The following CLN8 variants were observed in gnomAD, a reference collection of about 807,000 sequenced individuals.
CLN8 encodes CLN8 transmembrane ER and ERGIC protein.
A neutral mutation model predicts 15.7 loss-of-function variants in CLN8; 14 were observed. The ratio of observed to expected loss-of-function variants is 0.89; its 90% CI spans 0.59 to 1.39. The LOEUF is 1.39. CLN8 is among the 40% of genes most tolerant of loss of function. The pLI, the probability that CLN8 is intolerant of heterozygous loss-of-function variation, is 0.00. For missense variants in CLN8, 415 were observed against 364.0 expected, an observed-to-expected ratio of 1.14 and a Z score of -1.14; for synonymous variants, 188 against 151.0, an observed-to-expected ratio of 1.25 and a Z score of -1.80.
intron 2 of CLN8, among the ~76,000 whole-genome samples, chr8:1,777,954 A>C (rs181742159): frequency 6.6e-6 from 1 of 152,254 alleles, no homozygotes; most frequent in Non-Finnish European, 1.5e-5. Context: ...ACCACTGTCT[A>C]TACACTGTGC....
At chr8:1,761,533 C>G (rs1036724546), upstream of CLN8, among the ~76,000 whole-genome samples, 5 of 152,342 alleles carry the variant, frequency 3.3e-5, no homozygotes, top group East Asian at 9.6e-4. Flanking sequence ...CCATGTTGGC[C>G]AGGCTGGTCT....
rs1801802940 is a variant in CLN8 at position 1,785,249 on chromosome 8, C to A, written c.*4682C>A. The A allele has an allele frequency of 5.4e-6, 1 of 184,026 alleles. No individual in the cohort carries two copies. Among genetic ancestry groups the A allele is most frequent in the Non-Finnish European group, 1.2e-5 (1 of 84,600 alleles). 11.4% of individuals were successfully genotyped at this position (184,026 alleles called of 1,614,324 possible). A position where few individuals can be genotyped will look rare whatever the true frequency, so the allele number is the denominator to read the frequency against. On this transcript the variant is annotated 3_prime_UTR_variant, in exon 3 of 3. Coordinates refer to ENST00000331222, the MANE Select transcript of CLN8 (RefSeq NM_018941.4). ...CCTGGGTGCTCCTTTGTGCTCTGTC[C>A]TACGGTGACACAGGCGGCGTGGGGT...
intron 2 of CLN8, chr8:1,773,710 G>A (rs1477106989): frequency 6.6e-6 from 1 of 152,424 alleles, no homozygotes; most frequent in Non-Finnish European, 1.5e-5. Context: ...TGAGATCAGT[G>A]TGGAGTGGAG....
At chr8:1,770,788 C>G in intron 1 of CLN8, 144 bp from the exon 2 acceptor site, 1 of 571,638 alleles carries the variant, frequency 1.7e-6, no homozygotes, top group Non-Finnish European at 3.1e-6. Context: ...TGGATGTTAC[C>G]TTGGTATGTT....
chr8:1,754,989 C>T (rs535828390), upstream of CLN8, among the ~76,000 whole-genome samples: 6 of 152,310 alleles, frequency 3.9e-5, no homozygotes, highest in East Asian at 9.7e-4. Context: ...TGCTGCTGGT[C>T]TTGTGATATC....
upstream of CLN8, chr8:1,763,347 G>A (rs1415058964): frequency 1.0e-4 from 4 of 38,780 alleles, no homozygotes; most frequent in Admixed American, 1.1e-3. Context: ...CCCTCCCGCC[G>A]GCCGTGGTTC....
At chr8:1,770,830 G>A in intron 1 of CLN8, 102 bp from the exon 2 acceptor site, 1 of 602,798 alleles carries the variant, frequency 1.7e-6, no homozygotes, top group Non-Finnish European at 3.0e-6. Context: ...TAAGAATAAG[G>A]TACAGAATTA....
At chr8:1,757,476 T>A (rs1800699134) in intron 1 of CLN8, among the ~76,000 whole-genome samples, 1 of 152,198 alleles carries the variant, frequency 6.6e-6, no homozygotes, top group African/African-American at 2.4e-5. Flanking sequence ...AGTCTTGCTC[T>A]GTAGTCTAGG....
chr8:1,765,895 G>A (rs190993884), intron 1 of CLN8, among the ~76,000 whole-genome samples: 3 of 152,314 alleles, frequency 2.0e-5, no homozygotes, highest in Admixed American at 6.5e-5. Context: ...CTGAACTTGC[G>A]TTAGCAGGGA....
chr8:1,758,218 A>C (rs1315133209), intron 1 of CLN8: 1 of 152,254 alleles, frequency 6.6e-6, no homozygotes, highest in Admixed American at 6.5e-5. Context: ...ACAGTTTTCT[A>C]TAATGAGTTC....
intron 1 of CLN8, chr8:1,764,782 A>G (rs1047560010): frequency 6.6e-6 from 1 of 152,108 alleles, no homozygotes; most frequent in African/African-American, 2.4e-5. Flanking sequence ...GAGGGGAGCC[A>G]GGGGCTCCCC....
At chr8:1,772,144 G>T (rs1191472156) in intron 2 of CLN8, among the ~76,000 whole-genome samples, 1 of 152,038 alleles carries the variant, frequency 6.6e-6, no homozygotes, top group Non-Finnish European at 1.5e-5. Flanking sequence ...CACTATGTTG[G>T]TCAGGCTGGT....
intron 2 of CLN8, among the ~76,000 whole-genome samples, chr8:1,778,775 C>T (rs190961097): frequency 2.6e-5 from 4 of 152,284 alleles, no homozygotes; most frequent in African/African-American, 4.8e-5. Flanking sequence ...TACTCCATTC[C>T]GCTGGCCTTT....
In CLN8 at chr8:1,781,444, T is replaced by C. The variant is rs1462632440; in HGVS notation, c.*877T>C. The C allele has an allele frequency of 1.3e-5, 2 of 150,754 alleles. No individual in the cohort carries two copies. The highest frequency in any genetic ancestry group is 2.9e-5 in the Non-Finnish European group (2 of 67,866). The allele number at this position is 150,754 out of a possible 1,614,324, so 9.3% of individuals were successfully genotyped here. ...GTGGCAAGTGGTACAAAGACAACGC[T>C]GAGGGGTAGTGACTCCTGTAGCAGC... On this transcript the variant is annotated 3_prime_UTR_variant, in exon 3 of 3. Coordinates refer to ENST00000331222, the MANE Select transcript of CLN8 (RefSeq NM_018941.4).
At chr8:1,780,010 G>T (rs948884203) in intron 2 of CLN8, 6 of 985,470 alleles carry the variant, frequency 6.1e-6, no homozygotes, top group Non-Finnish European at 7.2e-6. Flanking sequence ...AGCAAGAGGA[G>T]CAGGAAAACA....
chr8:1,765,207 G>A (rs1019695579), intron 1 of CLN8: 1 of 152,236 alleles, frequency 6.6e-6, no homozygotes, highest in Non-Finnish European at 1.5e-5. Flanking sequence ...CTGGGCAAAA[G>A]CCTGGTAGGA....
At chr8:1,769,616 A>T (rs554902390) in intron 1 of CLN8, among the ~76,000 whole-genome samples, 2 of 152,090 alleles carry the variant, frequency 1.3e-5, no homozygotes, top group African/African-American at 4.8e-5. Flanking sequence ...AGCCGTTCCT[A>T]TGTCATCGTT....
intron 2 of CLN8, among the ~76,000 whole-genome samples, chr8:1,775,924 G>T (rs1801494110): frequency 1.3e-5 from 2 of 152,234 alleles, no homozygotes; most frequent in South Asian, 4.1e-4. Flanking sequence ...TCCGTAAGTG[G>T]GAATCTGTGG....
At chr8:1,755,713 T>A (rs1220284576), upstream of CLN8, 2 of 152,232 alleles carry the variant, frequency 1.3e-5, no homozygotes, top group Non-Finnish European at 2.9e-5. Context: ...CAGCCCCACT[T>A]CCTCAGCAGA....
Sources: allele counts gnomAD v4.1 joint callset (sites outside exome capture counted in the v4.1 genomes callset), GRCh38; gene constraint gnomAD v4.1.1; transcripts MANE v1.5; gene names NCBI Gene and HGNC (gene_info 2026-07-23, HGNC 2026-07-21).